The following PDXDC1 variants were observed in gnomAD, a reference collection of about 807,000 sequenced individuals.
PDXDC1 encodes the protein pyridoxal-dependent decarboxylase domain-containing protein 1.
A neutral mutation model predicts 100.1 loss-of-function variants in PDXDC1; 42 were observed. The ratio of observed to expected loss-of-function variants is 0.42; its 90% CI spans 0.33 to 0.54. PDXDC1 has a LOEUF of 0.54. Ranked by LOEUF, PDXDC1 falls within the 20% of genes least tolerant of loss-of-function variation. The probability of loss-of-function intolerance (pLI) is 0.10; values close to 1 mark genes in which losing one functional copy is unlikely to be tolerated. For missense variants in PDXDC1, 636 were observed against 979.2 expected (o/e 0.65, Z 4.68); for synonymous variants, 260 against 371.7 (o/e 0.70, Z 3.46).
chr16:15,094,123 A>G (rs1197088784), intron 16 of PDXDC1: 2 of 1,579,700 alleles, frequency 1.3e-6, no homozygotes, highest in Non-Finnish European at 1.7e-6. Flanking sequence ...AGATACGCAG[A>G]AGGAAGCGGC....
chr16:15,011,631 CTTTTTTTTTT>C, intron 8 of PDXDC1, among the ~76,000 whole-genome samples: 261 of 131,328 alleles, frequency 2.0e-3, no homozygotes, highest in African/African-American at 5.8e-3. Context: ...ACATTTTTTT[CTTTTTTTTTT>C]TTTTTTTTTG....
Position 15,031,890 on chromosome 16 carries a change from G to C in PDXDC1, c.1555G>C (p.Gly519Arg). ...ATATGTTGATGACCCTAACTGGTCT[G>C]GAATAGGGGTTGTCAGGTAAAGTCT... ...LLYVDDPNWSGIGVVRYEHAN... is the reference protein window; with the variant it reads ...LLYVDDPNWSRIGVVRYEHAN... Residue 519 changes from glycine to arginine, a missense_variant, in exon 17 of 23, where the codon GGA (glycine) becomes CGA (arginine). Transcript: ENST00000396410. 1 of 1,610,528 alleles carries C rather than the reference G, an allele frequency of 6.2e-7. No individual in the cohort carries two copies. The highest frequency in any genetic ancestry group is 8.5e-7 in the Non-Finnish European group (1 of 1,178,072).
At position 15,036,450 on chromosome 16, in the gene PDXDC1, TCTAACTTCATGTACATGTAGA is replaced by T. The variant is rs1291971759; in HGVS notation, c.*176_*196del. The T allele has an allele frequency of 3.3e-6, 2 of 600,032 alleles. No homozygotes were observed. Among genetic ancestry groups the T allele is most frequent in the Non-Finnish European group, 5.7e-6 (2 of 347,946 alleles). 37.2% of individuals were successfully genotyped at this position (600,032 alleles called of 1,614,324 possible). ...GCTTTCTAGGAGGGGAGTCAGCTTG[TCTAACTTCATGTACATGTAGA>T]ACCACGTTTGCTGTCCTACTACGAC... On this transcript the variant is annotated 3_prime_UTR_variant, in exon 23 of 23. Transcript: ENST00000396410.
At chr16:15,087,493 G>A (rs1042086852) in intron 16 of PDXDC1, among the ~76,000 whole-genome samples, 6 of 152,192 alleles carry the variant, frequency 3.9e-5, no homozygotes, top group Admixed American at 1.3e-4. Context: ...ATGCGGAGAA[G>A]AAGCTGTCCC....
At chr16:14,980,138 T>A (rs1271225063) in intron 1 of PDXDC1, among the ~76,000 whole-genome samples, 1 of 152,292 alleles carries the variant, frequency 6.6e-6, no homozygotes, top group African/African-American at 2.4e-5. Flanking sequence ...TTGTTCATTC[T>A]TGATTTATTC....
At chr16:15,100,998 G>C (rs765664858) in intron 16 of PDXDC1, among the ~76,000 whole-genome samples, 16 of 152,110 alleles carry the variant, frequency 1.1e-4, no homozygotes, top group Non-Finnish European at 1.6e-4. Context: ...ATTAATGGAA[G>C]AAAGAAAGAA....
At chr16:15,043,736 T>C (rs1426202668) in intron 16 of PDXDC1, among the ~76,000 whole-genome samples, 1 of 152,134 alleles carries the variant, frequency 6.6e-6, no homozygotes, top group East Asian at 1.9e-4. Context: ...CATCACCAGG[T>C]CGGGAGTTCA....
intron 16 of PDXDC1, chr16:15,131,600 A>G (rs370857611): frequency 1.2e-6 from 2 of 1,603,500 alleles, no homozygotes; most frequent in African/African-American, 1.4e-5. Context: ...ATGAGGGCAG[A>G]GGTCAGGTTG....
chr16:15,032,155 G>A, intron 17 of PDXDC1: 1 of 546,898 alleles, frequency 1.8e-6, no homozygotes, highest in Admixed American at 3.0e-5. Flanking sequence ...CTACCTAGGA[G>A]AAGATGCCAA....
intron 16 of PDXDC1, chr16:15,072,992 G>A (rs2045300296): frequency 6.2e-7 from 1 of 1,613,702 alleles, no homozygotes; most frequent in Non-Finnish European, 8.5e-7. Context: ...ACTGTACATG[G>A]CAGGAGGCAT....
chr16:15,028,526 C>T (rs1179338605), intron 14 of PDXDC1, among the ~76,000 whole-genome samples: 4 of 152,300 alleles, frequency 2.6e-5, no homozygotes, highest in African/African-American at 9.6e-5. Context: ...CACGGGTTGG[C>T]ACCCACTGTG....
At chr16:15,048,851 T>C (rs1254113654) in intron 16 of PDXDC1, among the ~76,000 whole-genome samples, 1 of 149,688 alleles carries the variant, frequency 6.7e-6, no homozygotes, top group Non-Finnish European at 1.5e-5. Flanking sequence ...CTCAAACTCC[T>C]GGGCTCAAGC....
At chr16:15,030,573 A>G (rs927361549) in intron 16 of PDXDC1, among the ~76,000 whole-genome samples, 21 of 128,524 alleles carry the variant, frequency 1.6e-4, no homozygotes, top group African/African-American at 5.6e-4. Context: ...AAAAAAAGTC[A>G]TCACATGAAT....
At chr16:15,033,048 C>T (rs1344498846) in intron 18 of PDXDC1, 69 bp downstream of exon 18, 21 of 1,080,402 alleles carry the variant, frequency 1.9e-5, no homozygotes, top group South Asian at 8.9e-5. Flanking sequence ...TTGAAGACGA[C>T]GGCTCATCCC....
At chr16:15,051,351 T>C (rs746335876) in intron 16 of PDXDC1, among the ~76,000 whole-genome samples, 1 of 152,228 alleles carries the variant, frequency 6.6e-6, no homozygotes, top group African/African-American at 2.4e-5. Context: ...ACTGCTTTGC[T>C]CTATTTTTTA....
At chr16:15,146,750 C>T in the PDXDC1 span, among the ~76,000 whole-genome samples, 2 of 152,106 alleles carry the variant, frequency 1.3e-5, no homozygotes, top group Non-Finnish European at 2.9e-5. Context: ...GCAGGTCTCA[C>T]AGTGCATGGA....
chr16:15,094,496 C>A, intron 16 of PDXDC1: 1 of 539,194 alleles, frequency 1.9e-6, no homozygotes, highest in Non-Finnish European at 3.2e-6. Flanking sequence ...CTGAGGATCC[C>A]GAAGAAAGGG....
At chr16:15,090,843 T>C (rs2941269) in intron 16 of PDXDC1, among the ~76,000 whole-genome samples, 11,699 of 151,124 alleles carry the variant, frequency 0.077, 649 homozygotes, top group Non-Finnish European at 0.11. Context: ...TAGGTGTATC[T>C]CGAACCTGGA....
chr16:15,072,499 G>C (rs1234568432), intron 16 of PDXDC1, among the ~76,000 whole-genome samples: 1 of 152,118 alleles, frequency 6.6e-6, no homozygotes, highest in Non-Finnish European at 1.5e-5. Flanking sequence ...TTCTCTCCAA[G>C]TGTACTGAGA....
Sources: allele counts gnomAD v4.1 joint callset (sites outside exome capture counted in the v4.1 genomes callset), GRCh38; gene constraint gnomAD v4.1.1; transcripts MANE v1.5; gene names NCBI Gene and HGNC (gene_info 2026-07-23, HGNC 2026-07-21).